Variants in WDR7 observed in about 807,000 individuals in gnomAD.
WDR7 encodes WD repeat domain 7.
Under a neutral mutation model 169.4 loss-of-function variants are expected in WDR7, and 46 were observed. That is an observed-to-expected ratio of 0.27 (90% CI 0.21 to 0.35). The LOEUF is 0.35. Among genes scored for constraint, WDR7 ranks in the 10% least tolerant of loss-of-function variants. The probability of loss-of-function intolerance (pLI) is 1.00; values close to 1 mark genes in which losing one functional copy is unlikely to be tolerated. For synonymous variants in WDR7, 612 were observed against 666.8 expected, an observed-to-expected ratio of 0.92 and a Z score of 1.27; for missense variants, 1,534 against 1,859.3, an observed-to-expected ratio of 0.83 and a Z score of 3.22.
chr18:56,890,142 T>G (rs1241204206), intron 21 of WDR7, among the ~76,000 whole-genome samples: 1 of 152,184 alleles, frequency 6.6e-6, no homozygotes. Context: ...AATAATTGCT[T>G]ACCTGTTATT....
Position 56,794,048 on chromosome 18 carries a change from G to T in WDR7, c.3190+12392G>T, listed in dbSNP as rs1281781576. ...TTGCCAAATTACAATTTTAGAGACT[G>T]GTTTTGGATAAAACCAATGTGTTTT... is the stretch of plus-strand genomic sequence containing the variant. On this transcript the variant is annotated intron_variant, in intron 19 of 27. Transcript: ENST00000254442. Among the ~76,000 whole-genome samples, 4 of 151,944 alleles carry T rather than the reference G, an allele frequency of 2.6e-5. No homozygotes were observed. In the East Asian group the frequency reaches 7.7e-4, roughly 29 times the overall value.
In WDR7 at chr18:56,798,577, T is replaced by A. The variant is rs1427219814; in HGVS notation, c.3190+16921T>A. ...TAATTAAACGTGAAATTTGTTGCCT[T>A]TTCTCCAATTACATTTCTAAGGAAT... On this transcript the variant is annotated intron_variant, in intron 19 of 27. Transcript: ENST00000254442. Among the ~76,000 whole-genome samples the A allele has an allele frequency of 2.0e-5, 3 of 152,206 alleles. No homozygotes were observed. The East Asian group carries it at 5.8e-4, about 29-fold the overall frequency.
chr18:56,759,087 G>T, intron 16 of WDR7, 134 bp downstream of exon 16: 8 of 573,212 alleles, frequency 1.4e-5, no homozygotes, highest in Non-Finnish European at 2.3e-5. Flanking sequence ...TATTCCAGAT[G>T]TAAATATGGA....
At chr18:56,938,805 ATGAGTG>A in intron 24 of WDR7, 123 bp downstream of exon 24, 1 of 594,782 alleles carries the variant, frequency 1.7e-6, no homozygotes, top group Non-Finnish European at 2.6e-6. Flanking sequence ...GAGAGAAAGA[ATGAGTG>A]TGTGTGTGTG....
At chr18:56,902,176 G>A (rs1036452363) in intron 21 of WDR7, among the ~76,000 whole-genome samples, 7 of 152,176 alleles carry the variant, frequency 4.6e-5, no homozygotes, top group African/African-American at 1.4e-4. Context: ...CTTCTGGGAA[G>A]AGAAGAGTTC....
intron 20 of WDR7, among the ~76,000 whole-genome samples, chr18:56,835,865 G>A (rs2045386866): frequency 6.6e-6 from 1 of 152,026 alleles, no homozygotes; most frequent in Non-Finnish European, 1.5e-5. Flanking sequence ...AAAAATTCAG[G>A]TTCCTCTGGT....
chr18:56,749,415 T>TG (rs2144898184), intron 14 of WDR7, among the ~76,000 whole-genome samples: 1 of 147,920 alleles, frequency 6.8e-6, no homozygotes, highest in South Asian at 2.1e-4. Flanking sequence ...TGTGTGTGTG[T>TG]TAGATTTGTA....
intron 20 of WDR7, among the ~76,000 whole-genome samples, chr18:56,820,577 G>T (rs927683071): frequency 6.6e-6 from 1 of 151,896 alleles, no homozygotes; most frequent in African/African-American, 2.4e-5. Flanking sequence ...AATGTATTTT[G>T]CTATTCCTGT....
intron 19 of WDR7, among the ~76,000 whole-genome samples, chr18:56,784,535 C>T (rs2044365597): frequency 6.6e-6 from 1 of 152,198 alleles, no homozygotes; most frequent in Non-Finnish European, 1.5e-5. Context: ...ATATTAATCA[C>T]TATTTATTCC....
chr18:56,662,282 G>A (rs1469500660), intron 1 of WDR7, among the ~76,000 whole-genome samples: 2 of 152,190 alleles, frequency 1.3e-5, no homozygotes, highest in Non-Finnish European at 2.9e-5. Flanking sequence ...TCCTGCTTTT[G>A]CATTTGAGAG....
At chr18:56,974,516 C>T (rs911226448) in intron 26 of WDR7, among the ~76,000 whole-genome samples, 1 of 152,102 alleles carries the variant, frequency 6.6e-6, no homozygotes, top group Admixed American at 6.5e-5. Flanking sequence ...GTACACACTA[C>T]CGTTATTCAG....
At chr18:56,798,915 G>A (rs1374314162) in intron 19 of WDR7, among the ~76,000 whole-genome samples, 1 of 152,156 alleles carries the variant, frequency 6.6e-6, no homozygotes, top group African/African-American at 2.4e-5. Context: ...TTAAGTAAAT[G>A]TCCTGATCAA....
chr18:56,691,082 ACT>A (rs2025558103), intron 7 of WDR7, 132 bp from the exon 8 acceptor site: 1 of 1,291,068 alleles, frequency 7.7e-7, no homozygotes, highest in Non-Finnish European at 1.1e-6. Flanking sequence ...TTATTGACAA[ACT>A]TTCTTTATCT....
chr18:56,891,856 G>T (rs1241059694), intron 21 of WDR7, among the ~76,000 whole-genome samples: 1 of 151,852 alleles, frequency 6.6e-6, no homozygotes, highest in Non-Finnish European at 1.5e-5. Flanking sequence ...AAATATTTTT[G>T]TAATTATTTA....
At chr18:57,015,189 C>CTA (rs2048189830) in intron 26 of WDR7, among the ~76,000 whole-genome samples, 1 of 152,156 alleles carries the variant, frequency 6.6e-6, no homozygotes, top group South Asian at 2.1e-4. Flanking sequence ...GAATGGGTGA[C>CTA]CTTTCAGTGT....
chr18:56,686,759 C>T (rs1288305888), intron 6 of WDR7, 96 bp from the exon 7 acceptor site: 20 of 1,040,744 alleles, frequency 1.9e-5, no homozygotes, highest in South Asian at 7.1e-5. Flanking sequence ...ACATATGAAG[C>T]GATGCCTTTA....
chr18:56,655,715 C>CA (rs1339031798), intron 1 of WDR7, among the ~76,000 whole-genome samples: 2 of 151,982 alleles, frequency 1.3e-5, no homozygotes, highest in African/African-American at 4.8e-5. Context: ...ATCCACCTCC[C>CA]TTACCCTCAC....
chr18:56,913,710 G>A (rs921630951), intron 21 of WDR7, among the ~76,000 whole-genome samples: 4 of 151,820 alleles, frequency 2.6e-5, no homozygotes, highest in Admixed American at 6.6e-5. Context: ...TGGGAGGATC[G>A]CGTGAGCCCA....
chr18:56,675,480 G>T (rs898853526), intron 2 of WDR7, among the ~76,000 whole-genome samples: 30 of 151,676 alleles, frequency 2.0e-4, no homozygotes, highest in Non-Finnish European at 3.8e-4. Flanking sequence ...ATTAGATATA[G>T]AATTTTTCCA....
Sources: allele counts gnomAD v4.1 joint callset (sites outside exome capture counted in the v4.1 genomes callset), GRCh38; gene constraint gnomAD v4.1.1; transcripts MANE v1.5; gene names NCBI Gene and HGNC (gene_info 2026-07-23, HGNC 2026-07-21).